Variants in PEX5L observed in about 807,000 individuals in gnomAD.
The protein encoded by PEX5L is peroxisomal biogenesis factor 5 like, also known as PEX5-related protein.
PEX5L carries 30 observed loss-of-function variants against 84.0 expected under a neutral mutation model. The ratio of observed to expected loss-of-function variants is 0.36; its 90% confidence interval spans 0.27 to 0.48. The LOEUF (loss-of-function observed/expected upper bound fraction) is 0.48, where lower values mean the gene tolerates loss of function less well. Ranked by LOEUF, PEX5L falls within the 20% of genes least tolerant of loss-of-function variation. The pLI, the probability that PEX5L is intolerant of heterozygous loss-of-function variation, is 0.99. For missense variants in PEX5L, 533 were observed against 754.6 expected (o/e 0.71, Z 3.44); for synonymous variants, 270 against 283.1 (o/e 0.95, Z 0.46).
intron 7 of PEX5L, among the ~76,000 whole-genome samples, chr3:179,859,721 T>C (rs13070850): frequency 7.2e-5 from 11 of 152,348 alleles, no homozygotes; most frequent in Non-Finnish European, 1.2e-4. Context: ...CTTAGGATAT[T>C]GCTCTCTATT....
intron 1 of PEX5L, among the ~76,000 whole-genome samples, chr3:180,026,170 G>A (rs945077462): frequency 6.3e-5 from 9 of 143,852 alleles, no homozygotes; most frequent in Non-Finnish European, 1.2e-4. Context: ...TTGGGAATAG[G>A]CAATTAATTG....
chr3:179,921,628 G>C (rs3732997), intron 2 of PEX5L: 22,629 of 152,202 alleles, frequency 0.15, 1,806 homozygotes, highest in South Asian at 0.3. Flanking sequence ...ATCTGAGAGA[G>C]ATGACTCAGT....
intron 7 of PEX5L, among the ~76,000 whole-genome samples, chr3:179,866,690 A>G (rs1748310740): frequency 6.6e-6 from 1 of 152,066 alleles, no homozygotes; most frequent in Non-Finnish European, 1.5e-5. Flanking sequence ...TGAAATACCC[A>G]GGATTTTTTT....
chr3:179,917,119 T>A (rs1767467630), intron 2 of PEX5L, among the ~76,000 whole-genome samples: 1 of 152,058 alleles, frequency 6.6e-6, no homozygotes, highest in South Asian at 2.1e-4. Context: ...TTTTCCTTTT[T>A]AAAAATCTTG....
chr3:179,809,483 G>A lies in PEX5L; in HGVS notation c.1340C>T (p.Ser447Phe). Reference protein sequence around the residue: ...SPGLTRRMSKSPVDSSVLEGV... With the variant: ...SPGLTRRMSKFPVDSSVLEGV... ...ACGAGAAGGATACCTATCAACTGGG[G>A]ACTTAGACATCCGCCGGGTGAGGCC... Residue 447 changes from serine to phenylalanine, a missense_variant, in exon 12 of 15, where the codon TCC (serine) becomes TTC (phenylalanine). Around this residue, in one of 8 missense-constraint regions of PEX5L, gnomAD observed 63 missense variants for 60.2 expected, o/e 1.05. Transcript: ENST00000467460. The A allele has an allele frequency of 6.2e-7, 1 of 1,613,152 alleles. No homozygotes were observed. The highest frequency in any genetic ancestry group is 8.5e-7 in the Non-Finnish European group (1 of 1,179,136).
intron 10 of PEX5L, among the ~76,000 whole-genome samples, chr3:179,813,021 TA>T (rs1724497853): frequency 6.6e-6 from 1 of 152,182 alleles, no homozygotes; most frequent in Non-Finnish European, 1.5e-5. Context: ...TATAAACTCA[TA>T]AAAATACTGA....
intron 1 of PEX5L, among the ~76,000 whole-genome samples, chr3:179,980,198 T>A (rs1343349169): frequency 6.6e-6 from 1 of 152,192 alleles, no homozygotes; most frequent in Non-Finnish European, 1.5e-5. Context: ...CCAAAGTTTG[T>A]GCTTCGGCCA....
chr3:179,820,046 C>G (rs1291893438), intron 8 of PEX5L, 70 bp from the exon 9 acceptor site: 7 of 1,600,956 alleles, frequency 4.4e-6, no homozygotes, highest in African/African-American at 1.3e-5. Flanking sequence ...TTTCTTCCCC[C>G]CCTAATAGAT....
At position 179,905,570 on chromosome 3, in the gene PEX5L, T is replaced by G. The variant is rs1186140373; in HGVS notation, c.94-7324A>C. On this transcript the variant is annotated intron_variant, in intron 2 of 14. Coordinates refer to ENST00000467460, the MANE Select transcript of PEX5L (RefSeq NM_016559.3). ...CACCGCGCCCCGCCAATCTGTGTCCTTTTTTTGTGGTGGTTGTTAAAAATT... is the reference window on the plus strand; with the variant it reads ...CACCGCGCCCCGCCAATCTGTGTCCGTTTTTTGTGGTGGTTGTTAAAAATT... 3.3e-5 allele frequency among the ~76,000 whole-genome samples: 5 copies of G among 152,188 alleles called. No homozygotes were observed. In the East Asian group the frequency reaches 9.6e-4, roughly 29 times the overall value.
At chr3:179,995,571 T>C (rs1291750509) in intron 1 of PEX5L, among the ~76,000 whole-genome samples, 1 of 152,128 alleles carries the variant, frequency 6.6e-6, no homozygotes, top group Admixed American at 6.6e-5. Context: ...TCTGACCATA[T>C]GTGGAGAACC....
intron 8 of PEX5L, among the ~76,000 whole-genome samples, chr3:179,842,369 C>T (rs976260080): frequency 6.6e-6 from 1 of 152,138 alleles, no homozygotes; most frequent in Admixed American, 6.5e-5. Flanking sequence ...CATAAATATA[C>T]GAAGAACAAA....
chr3:179,864,684 T>C (rs1335079208), intron 7 of PEX5L, among the ~76,000 whole-genome samples: 1 of 152,172 alleles, frequency 6.6e-6, no homozygotes, highest in East Asian at 1.9e-4. Flanking sequence ...AGATTTTAAG[T>C]ATTCCCACTA....
chr3:180,016,114 C>CACT (rs200344492), intron 1 of PEX5L, among the ~76,000 whole-genome samples: 1 of 152,128 alleles, frequency 6.6e-6, no homozygotes, highest in Admixed American at 6.5e-5. Context: ...CCACCACCAC[C>CACT]ACCACCAACA....
At chr3:179,984,279 A>C (rs1384021849) in intron 1 of PEX5L, among the ~76,000 whole-genome samples, 2 of 152,120 alleles carry the variant, frequency 1.3e-5, no homozygotes, top group Non-Finnish European at 2.9e-5. Context: ...ATGATAGTCT[A>C]ATTTTCTTCT....
chr3:179,861,736 C>T (rs1241404070), intron 7 of PEX5L, among the ~76,000 whole-genome samples: 1 of 152,194 alleles, frequency 6.6e-6, no homozygotes, highest in Non-Finnish European at 1.5e-5. Context: ...CAAGTAGGGT[C>T]TTAGAGCCAG....
rs1791948589 is a variant in PEX5L at position 180,036,801 on chromosome 3, G to T, written c.-202C>A. On this transcript the variant is annotated 5_prime_UTR_variant, in exon 1 of 15. Coordinates refer to ENST00000467460, the MANE Select transcript of PEX5L (RefSeq NM_016559.3). ...TGCCGGGAACTGTTCTCCGCTCGGG[G>T]TGCTGAAAGCGGACGCGGGAGAGCG... The T allele has an allele frequency of 1.7e-6, 1 of 597,532 alleles. No individual in the cohort carries two copies. The highest frequency in any genetic ancestry group is 3.0e-6 in the Non-Finnish European group (1 of 329,444). The allele number at this position is 597,532 out of a possible 1,614,324, so 37.0% of individuals were successfully genotyped here. A position where few individuals can be genotyped will look rare whatever the true frequency, so the allele number is the denominator to read the frequency against.
chr3:179,802,550 A>AAAAAAAAAAAAAAAAAAAAAG (rs1553813985), intron 14 of PEX5L, among the ~76,000 whole-genome samples: 4 of 131,558 alleles, frequency 3.0e-5, no homozygotes, highest in East Asian at 4.1e-4. Context: ...AAAAAAAAAA[A>AAAAAAAAAAAAAAAAAAAAAG]AAAAGAAAAG....
At chr3:179,829,772 CTTTTTT>C (rs55899128) in intron 8 of PEX5L, among the ~76,000 whole-genome samples, 1 of 120,944 alleles carries the variant, frequency 8.3e-6, no homozygotes. Flanking sequence ...CTTGCTATAT[CTTTTTT>C]TTTTTTTTTT....
In PEX5L at chr3:179,811,883, A is replaced by G; in HGVS notation, c.1084-12T>C. The G allele has an allele frequency of 6.2e-7, 1 of 1,604,568 alleles. No homozygotes were observed. The highest frequency in any genetic ancestry group is 8.5e-7 in the Non-Finnish European group (1 of 1,171,264). ...AGGAACTGCCATGCCTACGAAAGACAACTGATGTTAACATTGCAAGATGAA... is the reference window on the plus strand; with the variant it reads ...AGGAACTGCCATGCCTACGAAAGACGACTGATGTTAACATTGCAAGATGAA... On this transcript the variant is annotated splice_polypyrimidine_tract_variant and intron_variant, in intron 10 of 14. Transcript: ENST00000467460.
Sources: gnomAD v4.1 joint callset for allele counts (sites outside exome capture counted in the v4.1 genomes callset) on GRCh38, gnomAD v4.1.1 for gene constraint, gnomAD v4.1.1 regional missense constraint, MANE v1.5 for transcripts, NCBI Gene and HGNC (gene_info 2026-07-23, HGNC 2026-07-21) for gene names.